Variants in NKAIN3 observed in about 807,000 individuals in gnomAD.
NKAIN3 encodes the protein sodium/potassium-transporting ATPase subunit beta-1-interacting protein 3.
In NKAIN3, 25 loss-of-function variants were observed where a neutral mutation model predicts 30.2. The observed-to-expected ratio is 0.83, with a 90% CI of 0.60 to 1.16. The LOEUF is 1.16. Among genes scored for constraint, NKAIN3 ranks in the 50% most tolerant of loss-of-function variants. NKAIN3 has a pLI of 0.00. For synonymous variants in NKAIN3, 91 were observed against 89.6 expected, an observed-to-expected ratio of 1.02 and a Z score of -0.09; for missense variants, 225 against 254.1, an observed-to-expected ratio of 0.89 and a Z score of 0.78.
chr8:62,805,206 C>A (rs566145592), intron 4 of NKAIN3, among the ~76,000 whole-genome samples: 1 of 151,494 alleles, frequency 6.6e-6, no homozygotes, highest in Non-Finnish European at 1.5e-5. Context: ...GAATCAATAT[C>A]GTGAAAATGG....
intron 1 of NKAIN3, among the ~76,000 whole-genome samples, chr8:62,545,895 G>A (rs1808990909): frequency 6.6e-6 from 1 of 152,074 alleles, no homozygotes; most frequent in African/African-American, 2.4e-5. Context: ...TTCCAAAAAG[G>A]CAGTGTAAGT....
At chr8:62,708,932 G>A (rs1235743283) in intron 3 of NKAIN3, among the ~76,000 whole-genome samples, 1 of 152,092 alleles carries the variant, frequency 6.6e-6, no homozygotes, top group Admixed American at 6.5e-5. Context: ...TAATCATAAA[G>A]GGATGCTGGA....
At chr8:62,872,249 T>G (rs34597813) in intron 4 of NKAIN3, among the ~76,000 whole-genome samples, 15,729 of 152,246 alleles carry the variant, frequency 0.1, 898 homozygotes, top group Admixed American at 0.14. Context: ...TGTCAGAAGG[T>G]ATCCCTGTTG....
intron 3 of NKAIN3, among the ~76,000 whole-genome samples, chr8:62,626,140 C>A (rs1164185765): frequency 6.6e-6 from 1 of 152,020 alleles, no homozygotes; most frequent in East Asian, 1.9e-4. Context: ...GGTGAAGAGA[C>A]CACCTGGAGA....
chr8:62,542,889 G>A (rs1563449120), intron 1 of NKAIN3, among the ~76,000 whole-genome samples: 1 of 152,102 alleles, frequency 6.6e-6, no homozygotes, highest in African/African-American at 2.4e-5. Flanking sequence ...TTTCCATGTT[G>A]TTAAGCAGGC....
At chr8:62,400,163 C>CTTTTTTTTT (rs71255333) in intron 1 of NKAIN3, among the ~76,000 whole-genome samples, 3 of 122,226 alleles carry the variant, frequency 2.5e-5, no homozygotes, top group African/African-American at 6.1e-5. Context: ...GCTATATTTT[C>CTTTTTTTTT]TTTTTTTTTT....
intron 1 of NKAIN3, among the ~76,000 whole-genome samples, chr8:62,323,196 T>G (rs1464759204): frequency 2.5e-4 from 38 of 152,178 alleles, no homozygotes; most frequent in Non-Finnish European, 1.5e-5. Context: ...CCCAATTACA[T>G]GAAAACTTAT....
intron 4 of NKAIN3, among the ~76,000 whole-genome samples, chr8:62,779,824 A>G (rs1276652750): frequency 6.6e-6 from 1 of 152,150 alleles, no homozygotes; most frequent in Non-Finnish European, 1.5e-5. Flanking sequence ...GGAAATTTAT[A>G]GTAATAAACA....
chr8:62,658,856 T>C (rs912536884), intron 3 of NKAIN3, among the ~76,000 whole-genome samples: 3 of 152,086 alleles, frequency 2.0e-5, no homozygotes, highest in African/African-American at 7.2e-5. Flanking sequence ...TATGGACATA[T>C]TTTTAAGTGT....
intron 1 of NKAIN3, among the ~76,000 whole-genome samples, chr8:62,289,936 T>C (rs1211859055): frequency 6.6e-6 from 1 of 152,180 alleles, no homozygotes; most frequent in Admixed American, 6.5e-5. Flanking sequence ...GGTTTATAGT[T>C]CCCCTTGAAG....
At chr8:62,888,183 A>G (rs968622557) in intron 4 of NKAIN3, among the ~76,000 whole-genome samples, 5 of 152,194 alleles carry the variant, frequency 3.3e-5, no homozygotes, top group African/African-American at 1.2e-4. Flanking sequence ...CTCTTTCCCC[A>G]GGTCATTAGG....
intron 4 of NKAIN3, among the ~76,000 whole-genome samples, chr8:62,759,619 A>T (rs763741831): frequency 3.3e-5 from 5 of 152,214 alleles, no homozygotes; most frequent in Non-Finnish European, 7.3e-5. Context: ...CCCAAAGATA[A>T]TACTCAGATT....
chr8:62,656,103 C>T (rs1586055646), intron 3 of NKAIN3, among the ~76,000 whole-genome samples: 1 of 152,184 alleles, frequency 6.6e-6, no homozygotes, highest in African/African-American at 2.4e-5. Context: ...GAGAGAAGTG[C>T]TGTGGCAGTG....
intron 4 of NKAIN3, among the ~76,000 whole-genome samples, chr8:62,889,444 C>A (rs1013596877): frequency 2.0e-5 from 3 of 151,916 alleles, no homozygotes; most frequent in Non-Finnish European, 2.9e-5. Context: ...CCTCAGAAGA[C>A]CACCAAAATA....
intron 1 of NKAIN3, among the ~76,000 whole-genome samples, chr8:62,462,114 G>A (rs373671981): frequency 4.7e-4 from 71 of 152,270 alleles, no homozygotes; most frequent in Middle Eastern, 3.4e-3. Context: ...AAAGAGCGTG[G>A]GCAGGTGGTT....
intron 1 of NKAIN3, among the ~76,000 whole-genome samples, chr8:62,349,766 A>G (rs1816124631): frequency 6.6e-6 from 1 of 152,108 alleles, no homozygotes; most frequent in African/African-American, 2.4e-5. Context: ...TGCCAACCAG[A>G]AGACAAAGTT....
chr8:62,256,579 G>A (rs1026668986), intron 1 of NKAIN3, among the ~76,000 whole-genome samples: 1 of 152,114 alleles, frequency 6.6e-6, no homozygotes, highest in South Asian at 2.1e-4. Flanking sequence ...ATCCTGAATA[G>A]GTCAGTCACT....
chr8:62,912,784 C>T (rs1024280925), intron 4 of NKAIN3, among the ~76,000 whole-genome samples: 9 of 152,154 alleles, frequency 5.9e-5, no homozygotes, highest in African/African-American at 2.2e-4. Flanking sequence ...TGGTGCATGC[C>T]TGTAATCCCA....
chr8:62,694,120 A>C lies in NKAIN3; in HGVS notation c.274-52812A>C, dbSNP rs538992644. On this transcript the variant is annotated intron_variant, in intron 3 of 6. Coordinates refer to ENST00000623646, the MANE Select transcript of NKAIN3 (RefSeq NM_001304533.3). Reference sequence around the variant, plus strand: ...AAATCTTCTAGCTATTTTGAGATACACAATAAATTATTGTTCACTATAGTC... The same window carrying C: ...AAATCTTCTAGCTATTTTGAGATACCCAATAAATTATTGTTCACTATAGTC... 1.2e-3 allele frequency among the ~76,000 whole-genome samples: 190 copies of C among 152,234 alleles called. 1 individual carries two copies. The highest frequency in any genetic ancestry group is 3.8e-3 in the African/African-American group (159 of 41,538).
Sources: allele counts gnomAD v4.1 joint callset (sites outside exome capture counted in the v4.1 genomes callset), GRCh38; gene constraint gnomAD v4.1.1; transcripts MANE v1.5; gene names NCBI Gene and HGNC (gene_info 2026-07-23, HGNC 2026-07-21).